CERKL: variants seen among roughly 807,000 people sequenced by gnomAD.
The protein encoded by CERKL is ceramide kinase-like protein.
CERKL carries 61 observed loss-of-function variants against 63.4 expected under a neutral mutation model. That is an observed-to-expected ratio of 0.96 (90% CI 0.78 to 1.19). CERKL has a LOEUF of 1.19. CERKL is among the 50% of genes most tolerant of loss of function. The pLI is 0.00. For synonymous variants in CERKL, 250 were observed against 230.5 expected, an observed-to-expected ratio of 1.08 and a Z score of -0.77; for missense variants, 675 against 655.5, an observed-to-expected ratio of 1.03 and a Z score of -0.33.
chr2:181,637,667 CAT>C (rs553560331), intron 1 of CERKL, among the ~76,000 whole-genome samples: 2 of 152,020 alleles, frequency 1.3e-5, no homozygotes, highest in African/African-American at 2.4e-5. Flanking sequence ...AGAAGGGAAA[CAT>C]AAAAGCTATA....
chr2:181,561,130 G>A (rs949698300), intron 4 of CERKL, among the ~76,000 whole-genome samples: 3 of 152,086 alleles, frequency 2.0e-5, no homozygotes, highest in African/African-American at 7.2e-5. Flanking sequence ...GCATTAAGAT[G>A]TAAATCATTG....
Position 181,537,920 on chromosome 2 carries a change from C to T in CERKL, c.*264G>A. On this transcript the variant is annotated 3_prime_UTR_variant, in exon 13 of 13. Coordinates refer to ENST00000410087, the MANE Select transcript of CERKL (RefSeq NM_201548.5). Reference sequence around the variant, plus strand: ...TGAGTTCCTCCCCCTGTCAGATCAGCAGCAGCATTAGATTCTCATAGAAGT... The same window carrying T: ...TGAGTTCCTCCCCCTGTCAGATCAGTAGCAGCATTAGATTCTCATAGAAGT... 2 of 585,310 alleles carry T rather than the reference C, an allele frequency of 3.4e-6. No homozygotes were observed. The highest frequency in any genetic ancestry group is 6.4e-6 in the Non-Finnish European group (2 of 310,130). The allele number at this position is 585,310 out of a possible 1,614,324, so 36.3% of individuals were successfully genotyped here.
intron 2 of CERKL, among the ~76,000 whole-genome samples, chr2:181,579,848 TC>T (rs1684422447): frequency 1.3e-5 from 2 of 151,896 alleles, no homozygotes. Context: ...AATCCATCTT[TC>T]CCCACAGATT....
intron 1 of CERKL, among the ~76,000 whole-genome samples, chr2:181,608,329 T>C (rs1377595741): frequency 6.6e-6 from 1 of 151,452 alleles, no homozygotes; most frequent in Non-Finnish European, 1.5e-5. Flanking sequence ...AATTTTATAA[T>C]ATTAGTTATG....
At chr2:181,590,325 A>T (rs1197939041) in intron 2 of CERKL, among the ~76,000 whole-genome samples, 4 of 151,878 alleles carry the variant, frequency 2.6e-5, no homozygotes, top group African/African-American at 9.7e-5. Flanking sequence ...TTTTTAGTAG[A>T]GACAGGGTTT....
At chr2:181,634,239 T>G (rs574303728) in intron 1 of CERKL, among the ~76,000 whole-genome samples, 1 of 152,258 alleles carries the variant, frequency 6.6e-6, no homozygotes, top group South Asian at 2.1e-4. Flanking sequence ...ACAGGTCAAA[T>G]TCTAAAAAAG....
chr2:181,652,926 C>G lies in CERKL; in HGVS notation c.238+3843G>C, dbSNP rs974608580. Among the ~76,000 whole-genome samples, 4 of 152,098 alleles carry G rather than the reference C, an allele frequency of 2.6e-5. No homozygotes were observed. The South Asian group carries it at 8.3e-4, about 32-fold the overall frequency. On this transcript the variant is annotated intron_variant, in intron 1 of 12. Coordinates refer to ENST00000410087, the MANE Select transcript of CERKL (RefSeq NM_201548.5). ...AGTAGCTGTGACTACAGGCATGTGC[C>G]ACCACACCCGGCTAATTTTTGTATT...
chr2:181,567,147 T>A (rs1303893248), intron 3 of CERKL, among the ~76,000 whole-genome samples: 1 of 152,114 alleles, frequency 6.6e-6, no homozygotes, highest in Non-Finnish European at 1.5e-5. Context: ...AACACTCACA[T>A]GAATAAAACC....
At chr2:181,614,226 A>G (rs575043568) in intron 1 of CERKL, among the ~76,000 whole-genome samples, 31 of 152,352 alleles carry the variant, frequency 2.0e-4, no homozygotes, top group African/African-American at 7.5e-4. Context: ...ACTTCAGTGA[A>G]GGTTGAAGGT....
intron 10 of CERKL, among the ~76,000 whole-genome samples, chr2:181,546,564 T>G (rs773229088): frequency 7.2e-5 from 11 of 152,172 alleles, no homozygotes; most frequent in Admixed American, 5.2e-4. Flanking sequence ...ATATCGAAGT[T>G]TGCAGTTTCT....
intron 2 of CERKL, among the ~76,000 whole-genome samples, chr2:181,577,172 G>A (rs1178083982): frequency 6.6e-6 from 1 of 152,176 alleles, no homozygotes; most frequent in Non-Finnish European, 1.5e-5. Context: ...CGTTGAAGGA[G>A]AGGAGACCAA....
intron 1 of CERKL, among the ~76,000 whole-genome samples, chr2:181,605,166 C>CA (rs901144926): frequency 6.6e-6 from 1 of 152,200 alleles, no homozygotes; most frequent in African/African-American, 2.4e-5. Context: ...ACGACCGCCC[C>CA]AACCTATTGC....
intron 1 of CERKL, among the ~76,000 whole-genome samples, chr2:181,626,105 C>G (rs181458990): frequency 1.3e-5 from 2 of 152,066 alleles, no homozygotes; most frequent in Non-Finnish European, 2.9e-5. Context: ...ATTCCAAATT[C>G]TAACAGATAT....
Position 181,558,792 on chromosome 2 carries a change from T to A in CERKL, c.678-84A>T. On this transcript the variant is annotated intron_variant, in intron 4 of 12. Transcript: ENST00000410087. The surrounding 1 kb of genome is among the most constrained non-coding windows in gnomAD (Gnocchi z 4.2). The stretch of plus-strand genomic sequence containing the variant: ...ATGAAATCTAGACTTCAAAATAGTT[T>A]ACTAATTTGTAGTCTATGTGCATAA... 2.2e-6 allele frequency: 3 copies of A among 1,386,818 alleles called. No homozygotes were observed. The highest frequency in any genetic ancestry group is 3.0e-6 in the Non-Finnish European group (3 of 984,106). 85.9% of individuals were successfully genotyped at this position (1,386,818 alleles called of 1,614,324 possible).
At chr2:181,638,542 A>C (rs1308433692) in intron 1 of CERKL, among the ~76,000 whole-genome samples, 1 of 152,186 alleles carries the variant, frequency 6.6e-6, no homozygotes, top group East Asian at 1.9e-4. Context: ...TAAATCCTTG[A>C]GTTTATAGTG....
At chr2:181,606,570 G>A in intron 1 of CERKL, among the ~76,000 whole-genome samples, 1 of 102,712 alleles carries the variant, frequency 9.7e-6, no homozygotes, top group South Asian at 4.9e-4. Context: ...GGGTAGGGGA[G>A]AAGGGGGAGG....
intron 1 of CERKL, among the ~76,000 whole-genome samples, chr2:181,604,837 C>G (rs927859444): frequency 6.7e-6 from 1 of 149,882 alleles, no homozygotes; most frequent in African/African-American, 2.5e-5. Context: ...GGAAATAGCC[C>G]CCTGAATTTA....
intron 2 of CERKL, among the ~76,000 whole-genome samples, chr2:181,595,691 G>A (rs1414851056): frequency 6.6e-6 from 1 of 152,106 alleles, no homozygotes; most frequent in Non-Finnish European, 1.5e-5. Context: ...TTTACATTAT[G>A]TAAGCCTTAG....
chr2:181,592,263 G>A (rs908889349), intron 2 of CERKL, among the ~76,000 whole-genome samples: 1 of 151,702 alleles, frequency 6.6e-6, no homozygotes, highest in Admixed American at 6.6e-5. Context: ...TCATCTCCTG[G>A]GTCTGACAGC....
Sources: allele counts gnomAD v4.1 joint callset (sites outside exome capture counted in the v4.1 genomes callset), GRCh38; gene constraint gnomAD v4.1.1; non-coding constraint Gnocchi (gnomAD v3.1); transcripts MANE v1.5; gene names NCBI Gene and HGNC (gene_info 2026-07-23, HGNC 2026-07-21).